The following SCN7A variants were observed in gnomAD, a reference collection of about 807,000 sequenced individuals.
SCN7A encodes sodium channel protein type 7 subunit alpha.
In SCN7A, 138 loss-of-function variants were observed where a neutral mutation model predicts 155.2. That is an observed-to-expected ratio of 0.89 (90% CI 0.77 to 1.02). The LOEUF (loss-of-function observed/expected upper bound fraction) is 1.02, where lower values mean the gene tolerates loss of function less well. Ranked by LOEUF, SCN7A falls within the 50% of genes least tolerant of loss-of-function variation. The pLI, the probability that SCN7A is intolerant of heterozygous loss-of-function variation, is 0.00. For missense variants in SCN7A, 2,058 were observed against 1,986.6 expected (o/e 1.04, Z -0.68); for synonymous variants, 693 against 649.0 (o/e 1.07, Z -1.03).
At chr2:166,493,063 T>G (rs1026711103) in intron 1 of SCN7A, among the ~76,000 whole-genome samples, 6 of 152,214 alleles carry the variant, frequency 3.9e-5, no homozygotes, top group Non-Finnish European at 8.8e-5. Flanking sequence ...ATAGAATCTT[T>G]AATTAAGGCT....
At chr2:166,410,188 T>G in intron 24 of SCN7A, 32 bp downstream of exon 24, 1 of 1,446,478 alleles carries the variant, frequency 6.9e-7, no homozygotes. Flanking sequence ...ACACCTCCAT[T>G]GAAGTTTCAA....
At chr2:166,462,594 T>C in intron 9 of SCN7A, 64 bp from the exon 10 acceptor site, 1 of 1,494,682 alleles carries the variant, frequency 6.7e-7, no homozygotes, top group African/African-American at 1.4e-5. Flanking sequence ...GGTCAAATCA[T>C]AAATATAGAA....
intron 10 of SCN7A, 59 bp downstream of exon 10, chr2:166,462,330 C>T (rs530417477): frequency 4.7e-6 from 7 of 1,489,862 alleles, no homozygotes; most frequent in African/African-American, 4.2e-5. Flanking sequence ...TGACCATTAT[C>T]TTAGAAGCAA....
At chr2:166,417,067 G>T in intron 20 of SCN7A, 82 bp from the exon 21 acceptor site, 1 of 1,063,396 alleles carries the variant, frequency 9.4e-7, no homozygotes, top group Non-Finnish European at 1.3e-6. Flanking sequence ...AATACTAATT[G>T]ATAGAATAAC....
chr2:166,479,913 G>A (rs946943600), intron 2 of SCN7A, among the ~76,000 whole-genome samples: 3 of 152,140 alleles, frequency 2.0e-5, no homozygotes, highest in African/African-American at 7.2e-5. Flanking sequence ...TATCTACTTA[G>A]AGCTGTCTTC....
Position 166,481,409 on chromosome 2 carries a change from A to C in SCN7A, c.-14-3699T>G, listed in dbSNP as rs1318013902. 2.0e-5 allele frequency among the ~76,000 whole-genome samples: 3 copies of C among 152,186 alleles called. No individual in the cohort carries two copies. In the East Asian group the frequency reaches 5.8e-4, roughly 29 times the overall value. ...TTTGCTGTATTAGAATGGTGAGTCA[A>C]ATTTACTACAAAAAAATATAATAGA... On this transcript the variant is annotated intron_variant, in intron 2 of 25. Transcript: ENST00000643258.
At position 166,405,999 on chromosome 2, in the gene SCN7A, C is replaced by T; in HGVS notation, c.4630G>A (p.Ala1544Thr). Residue 1544 changes from alanine (A) to threonine (T), a missense_variant, in exon 26 of 26, where the codon GCT (alanine) becomes ACT (threonine). Transcript: ENST00000643258. ...DSSKLSDFAA[A>T]LDPPLFMAKP... ...GCCATGAAAAGAGGAGGATCAAGAG[C>T]AGCTGCAAAATCTGAAAGCTTGCTA... 2.5e-6 allele frequency: 4 copies of T among 1,612,950 alleles called. No individual in the cohort carries two copies. The highest frequency in any genetic ancestry group is 3.4e-6 in the Non-Finnish European group (4 of 1,179,380).
intron 10 of SCN7A, among the ~76,000 whole-genome samples, chr2:166,460,431 AT>A (rs200774472): frequency 1.3e-5 from 2 of 152,058 alleles, no homozygotes; most frequent in East Asian, 3.9e-4. Flanking sequence ...AAAAATACTT[AT>A]TTTTTTTCTC....
intron 7 of SCN7A, among the ~76,000 whole-genome samples, chr2:166,468,511 A>G (rs1702585596): frequency 6.6e-6 from 1 of 152,084 alleles, no homozygotes; most frequent in Non-Finnish European, 1.5e-5. Flanking sequence ...TAGTTCAAGA[A>G]TGAACCACGG....
intron 13 of SCN7A, among the ~76,000 whole-genome samples, chr2:166,443,886 G>C (rs1287022421): frequency 6.6e-6 from 1 of 152,098 alleles, no homozygotes; most frequent in Non-Finnish European, 1.5e-5. Context: ...ACTATATACA[G>C]AATCTTTTAT....
intron 11 of SCN7A, among the ~76,000 whole-genome samples, chr2:166,452,691 C>T (rs1702199077): frequency 6.6e-6 from 1 of 152,056 alleles, no homozygotes; most frequent in Non-Finnish European, 1.5e-5. Context: ...AAAGTTTCAC[C>T]TGCAAGGAAT....
intron 12 of SCN7A, among the ~76,000 whole-genome samples, chr2:166,446,251 CAACA>C (rs1369695444): frequency 1.3e-5 from 2 of 151,996 alleles, no homozygotes; most frequent in African/African-American, 4.8e-5. Context: ...TTTGTGTGGC[CAACA>C]AACATTTGAA....
At chr2:166,424,395 C>A (rs570494044) in intron 18 of SCN7A, among the ~76,000 whole-genome samples, 1 of 152,000 alleles carries the variant, frequency 6.6e-6, no homozygotes, top group Non-Finnish European at 1.5e-5. Flanking sequence ...AAAAACAGTA[C>A]GAAGTTTAAA....
chr2:166,483,698 G>C (rs948908449), intron 2 of SCN7A, among the ~76,000 whole-genome samples: 4 of 151,502 alleles, frequency 2.6e-5, no homozygotes, highest in African/African-American at 9.7e-5. Context: ...TGCTGGTTAG[G>C]GTATGAAAAA....
chr2:166,412,593 T>C lies in SCN7A; in HGVS notation c.3543A>G (p.Val1181=). The C allele has an allele frequency of 6.6e-7, 1 of 1,521,066 alleles. No homozygotes were observed. The highest frequency in any genetic ancestry group is 8.8e-7 in the Non-Finnish European group (1 of 1,136,424). The allele number at this position is 1,521,066 out of a possible 1,614,324, so 94.2% of individuals were successfully genotyped here. The change falls in exon 23 of 26, where the codon GTA becomes GTG. Residue 1181 remains valine (V), a synonymous_variant. Coordinates refer to ENST00000643258, the MANE Select transcript of SCN7A (RefSeq NM_002976.4). ...CYFINFIIFG[V]FLPLSMLITV... Reference sequence around the variant, plus strand: ...TAATCAGCATACTCAGAGGGAGAAATACTCCAAATATAATAAAGTTGATAA... The same window carrying C: ...TAATCAGCATACTCAGAGGGAGAAACACTCCAAATATAATAAAGTTGATAA...
chr2:166,468,815 C>T (rs994676049), intron 7 of SCN7A, among the ~76,000 whole-genome samples: 1 of 151,750 alleles, frequency 6.6e-6, no homozygotes, highest in East Asian at 1.9e-4. Flanking sequence ...CTCAACTTCC[C>T]TGCCTACACT....
At chr2:166,444,213 G>A (rs1702015720) in intron 13 of SCN7A, among the ~76,000 whole-genome samples, 1 of 152,176 alleles carries the variant, frequency 6.6e-6, no homozygotes, top group Non-Finnish European at 1.5e-5. Flanking sequence ...ACATTTGCTT[G>A]AATGTGACTT....
intron 1 of SCN7A, among the ~76,000 whole-genome samples, chr2:166,491,217 A>G (rs1575073777): frequency 6.6e-6 from 1 of 152,292 alleles, no homozygotes; most frequent in East Asian, 1.9e-4. Flanking sequence ...CTATCATAAT[A>G]TCAGACCTTT....
intron 15 of SCN7A, 68 bp from the exon 16 acceptor site, chr2:166,432,820 GT>G: frequency 8.4e-7 from 1 of 1,195,608 alleles, no homozygotes; most frequent in Non-Finnish European, 1.1e-6. Context: ...TGAAAAGTTT[GT>G]TTACAAAACT....
Sources: allele counts gnomAD v4.1 joint callset (sites outside exome capture counted in the v4.1 genomes callset), GRCh38; gene constraint gnomAD v4.1.1; transcripts MANE v1.5; gene names NCBI Gene and HGNC (gene_info 2026-07-23, HGNC 2026-07-21).